Variants in HERC6 observed in about 807,000 individuals in gnomAD.
HERC6 encodes HECT and RLD domain containing E3 ubiquitin protein ligase family member 6.
In HERC6, 101 loss-of-function variants were observed where a neutral mutation model predicts 114.5. That is an observed-to-expected ratio of 0.88 (90% CI 0.75 to 1.04). HERC6 has a LOEUF of 1.04. Among genes scored for constraint, HERC6 ranks in the 50% least tolerant of loss-of-function variants. The pLI is 0.00. For missense variants in HERC6, 1,133 were observed against 1,230.9 expected (o/e 0.92, Z 1.19); for synonymous variants, 408 against 436.2 (o/e 0.94, Z 0.81).
At chr4:88,413,506 T>G (rs1736249541) in intron 12 of HERC6, among the ~76,000 whole-genome samples, 1 of 152,216 alleles carries the variant, frequency 6.6e-6, no homozygotes, top group South Asian at 2.1e-4. Flanking sequence ...CTATAAGGTA[T>G]TCATTTTAGA....
chr4:88,439,848 T>A, intron 20 of HERC6, 26 bp from the exon 21 acceptor site: 1 of 1,240,456 alleles, frequency 8.1e-7, no homozygotes, highest in Non-Finnish European at 1.0e-6. Context: ...CTTTCTTTTT[T>A]TTTTTTTTTT....
In HERC6 at chr4:88,423,600, G is replaced by A. The variant is rs545031015; in HGVS notation, c.1714-260G>A. Among the ~76,000 whole-genome samples the A allele has an allele frequency of 9.2e-5, 14 of 152,274 alleles. No homozygotes were observed. In the South Asian group the frequency reaches 2.7e-3, roughly 29 times the overall value. ...TCTCAAAATCTAGAAACTATTTCCA[G>A]TAAATCTATGCCCTAAAAATTAGTT... On this transcript the variant is annotated intron_variant, in intron 13 of 22. Coordinates refer to ENST00000264346, the MANE Select transcript of HERC6 (RefSeq NM_017912.4).
At chr4:88,436,424 G>C (rs1019568578) in intron 18 of HERC6, among the ~76,000 whole-genome samples, 7 of 152,222 alleles carry the variant, frequency 4.6e-5, no homozygotes, top group Admixed American at 1.3e-4. Flanking sequence ...ATATTGGCTA[G>C]ATGTGTGCTG....
At chr4:88,380,204 T>TATATATAATATATAA (rs1734169171) in intron 1 of HERC6, among the ~76,000 whole-genome samples, 3 of 4,988 alleles carry the variant, frequency 6.0e-4, no homozygotes. Context: ...AATATAAATA[T>TATATATAATATATAA]ATATATAATA....
chr4:88,432,659 G>A (rs1298456400), intron 17 of HERC6, among the ~76,000 whole-genome samples: 1 of 151,822 alleles, frequency 6.6e-6, no homozygotes, highest in Non-Finnish European at 1.5e-5. Context: ...AACCTAAGAG[G>A]CAGAGGTTGC....
At chr4:88,428,772 A>G in intron 16 of HERC6, 22 bp downstream of exon 16, 2 of 1,479,318 alleles carry the variant, frequency 1.4e-6, no homozygotes, top group Non-Finnish European at 1.8e-6. Flanking sequence ...AGTCTCATTG[A>G]ACATTTTTAC....
chr4:88,386,349 G>A (rs1171954832), intron 3 of HERC6, among the ~76,000 whole-genome samples: 8 of 151,922 alleles, frequency 5.3e-5, no homozygotes. Flanking sequence ...GGGATCACAG[G>A]TGTGCGCCAC....
intron 15 of HERC6, among the ~76,000 whole-genome samples, chr4:88,427,739 T>C (rs765832474): frequency 6.6e-6 from 1 of 152,220 alleles, no homozygotes; most frequent in African/African-American, 2.4e-5. Context: ...TATTATCCTC[T>C]GGTCTTGCTG....
intron 8 of HERC6, among the ~76,000 whole-genome samples, chr4:88,401,514 A>AAAAAAGAG (rs1182416832): frequency 1.3e-5 from 2 of 151,758 alleles, no homozygotes; most frequent in African/African-American, 2.4e-5. Context: ...AAAAGAAAAG[A>AAAAAAGAG]AAAAAGAGAA....
Position 88,385,101 on chromosome 4 carries a change from T to A in HERC6, c.360-398T>A, listed in dbSNP as rs959851092. Among the ~76,000 whole-genome samples the A allele has an allele frequency of 2.0e-5, 3 of 152,222 alleles. No homozygotes were observed. In the East Asian group the frequency reaches 5.8e-4, roughly 29 times the overall value. ...GGCAATTTTGTATGATTTAACCTAA[T>A]GATTTCTTCATTAAATTAGGGCTTA... is the stretch of plus-strand genomic sequence containing the variant. On this transcript the variant is annotated intron_variant, in intron 2 of 22. Transcript: ENST00000264346.
At chr4:88,441,661 G>C (rs1400716395) in intron 22 of HERC6, among the ~76,000 whole-genome samples, 2 of 152,082 alleles carry the variant, frequency 1.3e-5, no homozygotes, top group East Asian at 3.8e-4. Flanking sequence ...TGATATTTTT[G>C]TTGCTACTAA....
chr4:88,390,708 G>C lies in HERC6; in HGVS notation c.493G>C (p.Glu165Gln). ...NSHGQLGLGKEFPSQASPQRV... is the reference protein window; with the variant it reads ...NSHGQLGLGKQFPSQASPQRV... ...CCATGGGCAGCTGGGCTTGGGGAAGGAGTTCCCCTCCCAAGCCAGCCCGCA... is the reference window on the plus strand; with the variant it reads ...CCATGGGCAGCTGGGCTTGGGGAAGCAGTTCCCCTCCCAAGCCAGCCCGCA... The change falls in exon 4 of 23, where the codon GAG becomes CAG. Residue 165 changes from glutamate (E) to glutamine (Q), a missense_variant. Glu to Gln is a conservative substitution (Grantham distance 29). Coordinates refer to ENST00000264346, the MANE Select transcript of HERC6 (RefSeq NM_017912.4). 6.2e-7 allele frequency: 1 copy of C among 1,613,816 alleles called. No individual in the cohort carries two copies.
chr4:88,379,818 TATAACATATA>T (rs1734095390), intron 1 of HERC6, among the ~76,000 whole-genome samples: 1 of 80,370 alleles, frequency 1.2e-5, no homozygotes, highest in African/African-American at 5.0e-5. Context: ...TAAATATATA[TATAACATATA>T]AATATATATA....
intron 3 of HERC6, among the ~76,000 whole-genome samples, chr4:88,385,966 T>A (rs1167864114): frequency 6.6e-6 from 1 of 152,140 alleles, no homozygotes; most frequent in African/African-American, 2.4e-5. Flanking sequence ...TTTTTCTTTT[T>A]AAAAATTTTT....
At chr4:88,393,351 C>A in intron 4 of HERC6, 137 bp from the exon 5 acceptor site, 4 of 369,856 alleles carry the variant, frequency 1.1e-5, no homozygotes, top group Admixed American at 4.2e-5. Context: ...AATCTGAAAA[C>A]TATGTTAGTG....
intron 20 of HERC6, 30 bp from the exon 21 acceptor site, chr4:88,439,838 CTTTCTT>C: frequency 5.4e-5 from 69 of 1,284,450 alleles, no homozygotes; most frequent in Non-Finnish European, 6.9e-5. Context: ...CTTTTCCTTC[CTTTCTT>C]TTTTTTTTTT....
intron 11 of HERC6, among the ~76,000 whole-genome samples, chr4:88,409,492 C>T (rs1249399397): frequency 6.6e-6 from 1 of 152,152 alleles, no homozygotes; most frequent in African/African-American, 2.4e-5. Context: ...CATTTATTTT[C>T]TTATTGAATC....
rs766604753 is a variant in HERC6 at position 88,393,514 on chromosome 4, G to A, written c.691G>A (p.Gly231Ser). 181 of 1,611,286 alleles carry A rather than the reference G, an allele frequency of 1.1e-4. No homozygotes were observed. Among genetic ancestry groups the A allele is most frequent in the African/African-American group, 1.7e-4 (13 of 74,844 alleles). ...PVQSNKPLSV[G>S]ALKNLGVVYI... ...GCAAAGCAACAAGCCTCTCTCAGTCGGTGCACTGAAGAATCTAGGTGTGGT... is the reference window on the plus strand; with the variant it reads ...GCAAAGCAACAAGCCTCTCTCAGTCAGTGCACTGAAGAATCTAGGTGTGGT... The change falls in exon 5 of 23, where the codon GGT (glycine) becomes AGT (serine). Residue 231 changes from glycine (G) to serine (S), a missense_variant. By Grantham distance (56) the Gly-to-Ser change is moderately conservative. Around this residue, in one of 3 missense-constraint regions of HERC6, gnomAD observed 735 missense variants for 754.0 expected, o/e 0.97. Coordinates refer to ENST00000264346, the MANE Select transcript of HERC6 (RefSeq NM_017912.4).
At position 88,408,706 on chromosome 4, in the gene HERC6, T is replaced by A. The variant is rs1321654043; in HGVS notation, c.1368+89T>A. 4 of 876,760 alleles carry A rather than the reference T, an allele frequency of 4.6e-6. No individual in the cohort carries two copies. The East Asian group carries it at 1.1e-4, about 23-fold the overall frequency. The allele number at this position is 876,760 out of a possible 1,614,324, so 54.3% of individuals were successfully genotyped here. A position where few individuals can be genotyped will look rare whatever the true frequency, so the allele number is the denominator to read the frequency against. ...CTGGGTGAGATGGGAACTATGATTG[T>A]AATTGCCCGATGAGTTCTTCCTGCC... is the stretch of plus-strand genomic sequence containing the variant. On this transcript the variant is annotated intron_variant, in intron 11 of 22. Coordinates refer to ENST00000264346, the MANE Select transcript of HERC6 (RefSeq NM_017912.4).
Sources: allele counts gnomAD v4.1 joint callset (sites outside exome capture counted in the v4.1 genomes callset), GRCh38; gene constraint gnomAD v4.1.1; regional missense constraint gnomAD v4.1.1; transcripts MANE v1.5; gene names NCBI Gene and HGNC (gene_info 2026-07-23, HGNC 2026-07-21).